The following OSGEPL1 variants were observed in gnomAD, a reference collection of about 807,000 sequenced individuals.
OSGEPL1 encodes the protein O-sialoglycoprotein endopeptidase like 1.
Under a neutral mutation model 37.2 loss-of-function variants are expected in OSGEPL1, and 26 were observed. That is an observed-to-expected ratio of 0.70 (90% CI 0.51 to 0.97). The LOEUF is 0.97. OSGEPL1 is among the 50% of genes least tolerant of loss of function. OSGEPL1 has a pLI of 0.00. For synonymous variants in OSGEPL1, 140 were observed against 159.9 expected, an observed-to-expected ratio of 0.88 and a Z score of 0.94; for missense variants, 404 against 487.0, an observed-to-expected ratio of 0.83 and a Z score of 1.60.
Position 189,753,970 on chromosome 2 carries a change from C to T in OSGEPL1, c.909G>A (p.Arg303=), listed in dbSNP as rs368508200. ...MACHLVKRTH[R]AILFCKQRDL... ...CTCTCTGCTTACAAAACAGAATAGC[C>T]CGATGTGTTCTTTTCACAAGATGAC... The change falls in exon 5 of 9, where the codon CGG becomes CGA. Residue 303 remains arginine (R), a synonymous_variant. Transcript: ENST00000264151. 2 of 1,613,678 alleles carry T rather than the reference C, an allele frequency of 1.2e-6. No homozygotes were observed. Among genetic ancestry groups the T allele is most frequent in the South Asian group, 1.1e-5 (1 of 91,070 alleles).
intron 3 of OSGEPL1, 33 bp from the exon 4 acceptor site, chr2:189,754,378 A>T: frequency 6.5e-7 from 1 of 1,537,232 alleles, no homozygotes; most frequent in Non-Finnish European, 8.8e-7. Context: ...AGAGTCATAA[A>T]ATTAAATACT....
rs573615138 is a variant in OSGEPL1 at position 189,751,704 on chromosome 2, C to G, written c.1166+949G>C. ...AGATGATCTGCCCACCTCAGCCTCC[C>G]AAAGTGCTGGGATTACAGGCATGAG... On this transcript the variant is annotated intron_variant, in intron 7 of 8. Transcript: ENST00000264151. Among the ~76,000 whole-genome samples, 88 of 151,784 alleles carry G rather than the reference C, an allele frequency of 5.8e-4. 1 individual carries two copies. Among genetic ancestry groups the G allele is most frequent in the African/African-American group, 2.1e-3 (88 of 41,416 alleles).
intron 8 of OSGEPL1, among the ~76,000 whole-genome samples, chr2:189,749,229 G>A (rs1432957646): frequency 6.2e-5 from 8 of 129,768 alleles, no homozygotes; most frequent in Admixed American, 4.4e-4. Context: ...CTGGACAACA[G>A]AGCGAGACTC....
intron 7 of OSGEPL1, among the ~76,000 whole-genome samples, chr2:189,751,326 G>A (rs1422684552): frequency 6.6e-6 from 1 of 152,068 alleles, no homozygotes; most frequent in African/African-American, 2.4e-5. Flanking sequence ...CTGAGACAAG[G>A]TATCAAAGGG....
Position 189,750,551 on chromosome 2 carries a change from T to A in OSGEPL1, c.*27A>T. On this transcript the variant is annotated splice_region_variant and 3_prime_UTR_variant, in exon 8 of 9. Transcript: ENST00000264151. ...ACTTAATTTTAACCTTAATACTACC[T>A]TTAGGGACTTTTTTGAACAGCAGAA... 7.7e-7 allele frequency: 1 copy of A among 1,304,160 alleles called. No individual in the cohort carries two copies. Among genetic ancestry groups the A allele is most frequent in the East Asian group, 2.4e-5 (1 of 41,902 alleles). The allele number at this position is 1,304,160 out of a possible 1,614,324, so 80.8% of individuals were successfully genotyped here. A position where few individuals can be genotyped will look rare whatever the true frequency, so the allele number is the denominator to read the frequency against.
chr2:189,759,705 G>C (rs1284329568), intron 2 of OSGEPL1, among the ~76,000 whole-genome samples: 1 of 152,000 alleles, frequency 6.6e-6, no homozygotes, highest in Non-Finnish European at 1.5e-5. Context: ...GTTGTAAATT[G>C]ATAGCTTAAA....
At chr2:189,758,992 A>G (rs889871334) in intron 2 of OSGEPL1, among the ~76,000 whole-genome samples, 9 of 152,196 alleles carry the variant, frequency 5.9e-5, no homozygotes, top group Non-Finnish European at 1.3e-4. Flanking sequence ...CACGGTAATA[A>G]TAGTTACTGT....
rs2045770425 is a variant in OSGEPL1, at chr2:189,754,499, T to G, written c.610-154A>C. ...GGCAAATATAGACTATAGCTGATAT[T>G]CAGGTAAGCAGACAACCCTGTTCCT... On this transcript the variant is annotated intron_variant, in intron 3 of 8. Transcript: ENST00000264151. The G allele has an allele frequency of 5.9e-6, 4 of 682,112 alleles. No individual in the cohort carries two copies. The East Asian group carries it at 1.1e-4, about 19-fold the overall frequency. The allele number at this position is 682,112 out of a possible 1,614,324, so 42.3% of individuals were successfully genotyped here.
intron 2 of OSGEPL1, among the ~76,000 whole-genome samples, chr2:189,756,825 A>G (rs1215661240): frequency 6.6e-6 from 1 of 152,100 alleles, no homozygotes; most frequent in African/African-American, 2.4e-5. Flanking sequence ...AGCCCATCCT[A>G]TATTGCTGCC....
At position 189,755,255 on chromosome 2, in the gene OSGEPL1, A is replaced by G. The variant is rs2045925589; in HGVS notation, c.527T>C (p.Leu176Pro). The G allele has an allele frequency of 1.2e-6, 2 of 1,613,612 alleles. No homozygotes were observed. The highest frequency in any genetic ancestry group is 1.7e-6 in the Non-Finnish European group (2 of 1,179,742). Residue 176 changes from leucine (L) to proline (P), a missense_variant, in exon 3 of 9, where the codon CTG becomes CCG. Transcript: ENST00000264151. ...LVLLISGGHC[L>P]LALVQGVSDF... is the part of the protein sequence containing the mutation. Reference sequence around the variant, plus strand: ...TGAAACTCCTTGAACTAATGCCAACAGACAGTGACCTCCAGAAATCAAAAG... The same window carrying G: ...TGAAACTCCTTGAACTAATGCCAACGGACAGTGACCTCCAGAAATCAAAAG...
chr2:189,760,030 C>T (rs1466302236), intron 2 of OSGEPL1, among the ~76,000 whole-genome samples: 1 of 152,160 alleles, frequency 6.6e-6, no homozygotes, highest in Non-Finnish European at 1.5e-5. Context: ...ATCCATTTAA[C>T]CCTGAGTTGA....
At position 189,762,583 on chromosome 2, in the gene OSGEPL1, T is replaced by G. The variant is rs2047273385; in HGVS notation, c.-21+102A>C. 3.0e-6 allele frequency: 3 copies of G among 985,312 alleles called. No individual in the cohort carries two copies. In the South Asian group the frequency reaches 1.4e-4, roughly 46 times the overall value. 61.0% of individuals were successfully genotyped at this position (985,312 alleles called of 1,614,324 possible). A position where few individuals can be genotyped will look rare whatever the true frequency, so the allele number is the denominator to read the frequency against. ...TGAACCCACGTGACTTGGGTAGCGC[T>G]GGTCTCCTGTCGGCTGTAAGGCGGC... On this transcript the variant is annotated intron_variant, in intron 1 of 8. Coordinates refer to ENST00000264151, the MANE Select transcript of OSGEPL1 (RefSeq NM_022353.3).
chr2:189,754,290 C>T lies in OSGEPL1; in HGVS notation c.665G>A (p.Gly222Glu). ...TTTGGCCAAATGTTCTATGGCTTTC[C>T]CACCACTCATGGTGGAGCACTCTGG... is the stretch of plus-strand genomic sequence containing the variant. The part of the protein sequence containing the change: ...KHPECSTMSG[G>E]KAIEHLAKQG... The change falls in exon 4 of 9, where the codon GGG becomes GAG. Residue 222 changes from glycine to glutamate, a missense_variant. Gly to Glu is a moderately conservative substitution (Grantham distance 98). Transcript: ENST00000264151. The T allele has an allele frequency of 6.2e-7, 1 of 1,613,714 alleles. No homozygotes were observed. Among genetic ancestry groups the T allele is most frequent in the Non-Finnish European group, 8.5e-7 (1 of 1,179,748 alleles).
At chr2:189,754,100 A>G in intron 4 of OSGEPL1, 36 bp from the exon 5 acceptor site, 1 of 1,612,016 alleles carries the variant, frequency 6.2e-7, no homozygotes, top group Non-Finnish European at 8.5e-7. Flanking sequence ...GGCACAATCC[A>G]GGAATATTTA....
In OSGEPL1 at chr2:189,752,916, C is replaced by T. The variant is rs780774674; in HGVS notation, c.1027G>A (p.Ala343Thr). The T allele has an allele frequency of 6.2e-6, 10 of 1,613,166 alleles. No individual in the cohort carries two copies. Among genetic ancestry groups the T allele is most frequent in the African/African-American group, 4.0e-5 (3 of 74,882 alleles). ...IRRALEILTN[A>T]TQCTLLCPPP... ...GGACACAACAAAGTGCACTGTGTTG[C>T]ATTTGTTAAAATTTCCAGAGCTCTG... is the stretch of plus-strand genomic sequence containing the variant. Residue 343 changes from alanine to threonine, a missense_variant, in exon 6 of 9, where the codon GCA becomes ACA. Ala to Thr is a moderately conservative substitution (Grantham distance 58, BLOSUM62 0). Coordinates refer to ENST00000264151, the MANE Select transcript of OSGEPL1 (RefSeq NM_022353.3).
chr2:189,753,576 A>G (rs1340011740), intron 5 of OSGEPL1, among the ~76,000 whole-genome samples: 1 of 152,104 alleles, frequency 6.6e-6, no homozygotes, highest in Non-Finnish European at 1.5e-5. Context: ...ACAAACAAAC[A>G]AAGGGATTTC....
At chr2:189,753,255 T>C (rs991382546) in intron 5 of OSGEPL1, 2 of 196,830 alleles carry the variant, frequency 1.0e-5, no homozygotes, top group Admixed American at 5.7e-5. Flanking sequence ...TAGTACACTA[T>C]TTTAGACCCT....
chr2:189,749,308 ATGTGTGAAAAG>A lies in OSGEPL1; in HGVS notation c.*28+1231_*28+1241del, dbSNP rs549669554. Among the ~76,000 whole-genome samples the A allele has an allele frequency of 5.5e-4, 79 of 144,152 alleles. 2 individuals carry two copies. The highest frequency in any genetic ancestry group is 1.7e-3 in the African/African-American group (68 of 39,282). The allele number at this position is 144,152 out of a possible 152,430, so 94.6% of individuals were successfully genotyped here. A position where few individuals can be genotyped will look rare whatever the true frequency, so the allele number is the denominator to read the frequency against. ...TCCACGGTTTTTTTTTTTTTAAACA[ATGTGTGAAAAG>A]TCAGGCCCTGGAGGCTGAAGTTGGA... On this transcript the variant is annotated intron_variant, in intron 8 of 8. Transcript: ENST00000264151.
At chr2:189,751,155 T>C (rs2045128327) in intron 7 of OSGEPL1, among the ~76,000 whole-genome samples, 1 of 152,206 alleles carries the variant, frequency 6.6e-6, no homozygotes, top group Admixed American at 6.5e-5. Context: ...TCTTTTTCTG[T>C]TCCTCCTCAG....
Sources: gnomAD v4.1 joint callset for allele counts (sites outside exome capture counted in the v4.1 genomes callset) on GRCh38, gnomAD v4.1.1 for gene constraint, MANE v1.5 for transcripts, NCBI Gene and HGNC (gene_info 2026-07-23, HGNC 2026-07-21) for gene names.